Variants in DOCK7 observed in about 807,000 individuals in gnomAD.
DOCK7 encodes dedicator of cytokinesis protein 7.
Under a neutral mutation model 271.0 loss-of-function variants are expected in DOCK7, and 138 were observed. That is an observed-to-expected ratio of 0.51 (90% CI 0.44 to 0.59). The LOEUF (loss-of-function observed/expected upper bound fraction) is 0.59. Ranked by LOEUF, DOCK7 falls within the 20% of genes least tolerant of loss-of-function variation. DOCK7 has a pLI of 0.00. For synonymous variants in DOCK7, 823 were observed against 876.1 expected (o/e 0.94, Z 1.07); for missense variants, 2,066 against 2,592.4 (o/e 0.80, Z 4.41).
intron 14 of DOCK7, among the ~76,000 whole-genome samples, chr1:62,609,910 G>C (rs1164575889): frequency 6.6e-6 from 1 of 151,992 alleles, no homozygotes; most frequent in South Asian, 2.1e-4. Flanking sequence ...ACAGTGAGCT[G>C]AGTGATCTCA....
At chr1:62,506,765 TGGA>T (rs1646949325) in intron 35 of DOCK7, among the ~76,000 whole-genome samples, 1 of 149,612 alleles carries the variant, frequency 6.7e-6, no homozygotes, top group Admixed American at 6.7e-5. Flanking sequence ...CTAACCAACG[TGGA>T]GAAACCCTGT....
At chr1:62,604,831 TA>T in intron 14 of DOCK7, 1 of 1,609,122 alleles carries the variant, frequency 6.2e-7, no homozygotes, top group East Asian at 2.2e-5. Context: ...GAGGCAAATT[TA>T]AAAGGCAATA....
chr1:62,485,011 A>T, intron 43 of DOCK7: 1 of 337,896 alleles, frequency 3.0e-6, no homozygotes, highest in African/African-American at 2.2e-5. Flanking sequence ...GCATGCGCCT[A>T]CAGTCCTAGC....
At chr1:62,612,541 A>C (rs953035109) in intron 14 of DOCK7, among the ~76,000 whole-genome samples, 1 of 152,178 alleles carries the variant, frequency 6.6e-6, no homozygotes, top group Non-Finnish European at 1.5e-5. Context: ...ACTTAAAGTA[A>C]AATAAAATTA....
intron 18 of DOCK7, among the ~76,000 whole-genome samples, chr1:62,571,978 TTG>T (rs1646796616): frequency 6.6e-6 from 1 of 152,132 alleles, no homozygotes; most frequent in South Asian, 2.1e-4. Flanking sequence ...AGGTGATGGG[TTG>T]ATAGGTGCGG....
chr1:62,494,570 T>C lies in DOCK7; in HGVS notation c.5025-103A>G, dbSNP rs548394333. On this transcript the variant is annotated intron_variant, in intron 39 of 49. Coordinates refer to ENST00000635253, the MANE Select transcript of DOCK7 (RefSeq NM_001367561.1). The stretch of plus-strand genomic sequence containing the variant: ...TTACCTAGAAAGGTTTTTGATACTG[T>C]GCACAACCTACTTAGTTTTAAAGTA... 3.0e-6 allele frequency: 3 copies of C among 998,042 alleles called. No individual in the cohort carries two copies. In the South Asian group the frequency reaches 6.0e-5, roughly 20 times the overall value. 61.8% of individuals were successfully genotyped at this position (998,042 alleles called of 1,614,324 possible).
intron 13 of DOCK7, 113 bp downstream of exon 13, chr1:62,619,787 T>C (rs559400398): frequency 2.7e-5 from 15 of 560,712 alleles, no homozygotes; most frequent in East Asian, 9.9e-5. Flanking sequence ...GCATTGGGCA[T>C]AGAAAAATGT....
At chr1:62,620,980 T>A (rs1485332536) in intron 12 of DOCK7, among the ~76,000 whole-genome samples, 1 of 148,026 alleles carries the variant, frequency 6.8e-6, no homozygotes, top group Non-Finnish European at 1.5e-5. Flanking sequence ...TAAAACAGAA[T>A]CAAAAAGCAA....
chr1:62,504,529 A>G, intron 37 of DOCK7, 101 bp downstream of exon 37: 1 of 1,265,540 alleles, frequency 7.9e-7, no homozygotes, highest in South Asian at 1.6e-5. Flanking sequence ...GACTAAAAAT[A>G]TACAAAAAAC....
intron 41 of DOCK7, chr1:62,492,286 C>A: frequency 6.5e-6 from 1 of 154,826 alleles, no homozygotes; most frequent in Non-Finnish European, 1.4e-5. Context: ...AAATAAAAAA[C>A]AATTTTTTTT....
intron 21 of DOCK7, 65 bp from the exon 22 acceptor site, chr1:62,552,966 ATC>A: frequency 1.6e-6 from 2 of 1,274,472 alleles, no homozygotes; most frequent in Non-Finnish European, 2.1e-6. Flanking sequence ...CTGAAAAAAA[ATC>A]TCTGCCACTT....
intron 1 of DOCK7, among the ~76,000 whole-genome samples, chr1:62,673,488 G>T (rs903130597): frequency 2.6e-5 from 4 of 151,982 alleles, no homozygotes; most frequent in East Asian, 3.9e-4. Flanking sequence ...ATAAAGAAAA[G>T]AATTCAAAAA....
intron 12 of DOCK7, among the ~76,000 whole-genome samples, chr1:62,622,098 C>G (rs1167892904): frequency 1.3e-5 from 2 of 152,188 alleles, no homozygotes; most frequent in Admixed American, 1.3e-4. Flanking sequence ...AGTTTGCTCT[C>G]TCTCTTGAAC....
chr1:62,628,947 A>C (rs1431783632), intron 11 of DOCK7: 1 of 152,258 alleles, frequency 6.6e-6, no homozygotes, highest in Non-Finnish European at 1.5e-5. Flanking sequence ...TATTACTCCA[A>C]GAAAGATACA....
chr1:62,658,409 A>C (rs530940291), intron 2 of DOCK7, among the ~76,000 whole-genome samples: 2 of 152,000 alleles, frequency 1.3e-5, no homozygotes, highest in Non-Finnish European at 2.9e-5. Flanking sequence ...GCAGTGAGTC[A>C]AGATTGCACC....
intron 1 of DOCK7, among the ~76,000 whole-genome samples, chr1:62,669,168 C>A (rs192866505): frequency 2.0e-5 from 3 of 152,298 alleles, no homozygotes; most frequent in East Asian, 3.9e-4. Context: ...AAGGAGCTTC[C>A]AGGAGACAAA....
intron 43 of DOCK7, 94 bp from the exon 44 acceptor site, chr1:62,477,919 C>A: frequency 7.6e-7 from 1 of 1,317,038 alleles, no homozygotes; most frequent in East Asian, 2.6e-5. Context: ...ATAAAATTTC[C>A]AAAACATTGC....
chr1:62,602,224 G>A lies in DOCK7; in HGVS notation c.1683-15600C>T, dbSNP rs886715749. 6 of 1,323,192 alleles carry A rather than the reference G, an allele frequency of 4.5e-6. No homozygotes were observed. In the African/African-American group the frequency reaches 7.3e-5, roughly 16 times the overall value. 82.0% of individuals were successfully genotyped at this position (1,323,192 alleles called of 1,614,324 possible). Reference sequence around the variant, plus strand: ...ATTAAAATCAAACAAACAAAAAAGTGTTATTTACATCTGTCAACATAAATC... The same window carrying A: ...ATTAAAATCAAACAAACAAAAAAGTATTATTTACATCTGTCAACATAAATC... On this transcript the variant is annotated intron_variant, in intron 14 of 49. Coordinates refer to ENST00000635253, the MANE Select transcript of DOCK7 (RefSeq NM_001367561.1).
At chr1:62,657,933 TA>T (rs1363309473) in intron 2 of DOCK7, among the ~76,000 whole-genome samples, 1 of 151,402 alleles carries the variant, frequency 6.6e-6, no homozygotes, top group East Asian at 1.9e-4. Flanking sequence ...CAAACTACAC[TA>T]AAATATCCAA....
Sources: allele counts gnomAD v4.1 joint callset (sites outside exome capture counted in the v4.1 genomes callset), GRCh38; gene constraint gnomAD v4.1.1; transcripts MANE v1.5; gene names NCBI Gene and HGNC (gene_info 2026-07-23, HGNC 2026-07-21).